Variants in RPP40 observed in about 807,000 individuals in gnomAD.
RPP40 encodes the protein ribonuclease P protein subunit p40.
A neutral mutation model predicts 42.5 loss-of-function variants in RPP40; 30 were observed. That is an observed-to-expected ratio of 0.71 (90% CI 0.53 to 0.96). The LOEUF is 0.96. RPP40 is among the 40% of genes least tolerant of loss of function. RPP40 has a pLI of 0.00. For missense variants in RPP40, 426 were observed against 433.5 expected, an observed-to-expected ratio of 0.98 and a Z score of 0.15; for synonymous variants, 173 against 164.0, an observed-to-expected ratio of 1.05 and a Z score of -0.42.
chr6:4,994,253 G>A (rs959921795), downstream of RPP40, among the ~76,000 whole-genome samples: 1 of 129,308 alleles, frequency 7.7e-6, no homozygotes, highest in South Asian at 3.1e-4. Flanking sequence ...TTGTGGGGTG[G>A]GGGGAGGGGG....
At position 4,994,919 on chromosome 6, in the gene RPP40, A is replaced by C; in HGVS notation, c.*159T>G. The stretch of plus-strand genomic sequence containing the variant: ...TCACTGGACAGCAGGCCTTGCTGCC[A>C]TCACAGATGGGTCTCAGGTGCAGGG... On this transcript the variant is annotated 3_prime_UTR_variant, in exon 8 of 8. Coordinates refer to ENST00000380051, the MANE Select transcript of RPP40 (RefSeq NM_006638.4). 1 of 639,354 alleles carries C rather than the reference A, an allele frequency of 1.6e-6. No homozygotes were observed. The highest frequency in any genetic ancestry group is 2.0e-5 in the South Asian group (1 of 49,916). 39.6% of individuals were successfully genotyped at this position (639,354 alleles called of 1,614,324 possible). A position where few individuals can be genotyped will look rare whatever the true frequency, so the allele number is the denominator to read the frequency against.
At position 4,999,872 on chromosome 6, in the gene RPP40, A is replaced by G. The variant is rs1415672417; in HGVS notation, c.370T>C (p.Tyr124His). ...TGACCCTGAAGTCCAGTTTCTTCAT[A>G]AGTGTCTTTATCCAGTGACAAAATT... is the stretch of plus-strand genomic sequence containing the variant. ...KLILSLDKDT[Y>H]EETGLQGHPS... The change falls in exon 4 of 8, where the codon TAT becomes CAT. Residue 124 changes from tyrosine (Y) to histidine (H), a missense_variant. By Grantham distance (83) the Tyr-to-His change is moderately conservative. Transcript: ENST00000380051. 6.2e-7 allele frequency: 1 copy of G among 1,608,786 alleles called. No individual in the cohort carries two copies. The highest frequency in any genetic ancestry group is 8.5e-7 in the Non-Finnish European group (1 of 1,175,860).
At chr6:5,003,336 A>G (rs1471156599) in intron 1 of RPP40, among the ~76,000 whole-genome samples, 1 of 85,220 alleles carries the variant, frequency 1.2e-5, no homozygotes, top group African/African-American at 5.2e-5. Context: ...GACAGAGCGA[A>G]ACTCCGTCTA....
chr6:4,996,155 T>G (rs1443744698), intron 6 of RPP40, 67 bp downstream of exon 6: 1 of 1,606,146 alleles, frequency 6.2e-7, no homozygotes, highest in Non-Finnish European at 8.5e-7. Context: ...TTCCAAAGTA[T>G]TAAACTCCTA....
Position 5,003,997 on chromosome 6 carries a change from G to A in RPP40, c.6C>T (p.Ala2=). M[A]TLRRLREAPR... ...GCGCCTCCCGAAGCCGGCGCAGCGTGGCCATGCTCTCCTGGGTTCCTGGTC... is the reference window on the plus strand; with the variant it reads ...GCGCCTCCCGAAGCCGGCGCAGCGTAGCCATGCTCTCCTGGGTTCCTGGTC... Residue 2 remains alanine (A), a synonymous_variant, in exon 1 of 8, where the codon GCC becomes GCT. Transcript: ENST00000380051. The A allele has an allele frequency of 6.2e-7, 1 of 1,607,348 alleles. No individual in the cohort carries two copies. The highest frequency in any genetic ancestry group is 1.1e-5 in the South Asian group (1 of 90,900).
downstream of RPP40, among the ~76,000 whole-genome samples, chr6:4,992,287 T>TG (rs1189526516): frequency 6.6e-6 from 1 of 151,726 alleles, no homozygotes; most frequent in East Asian, 1.9e-4. Flanking sequence ...GAGAATCATT[T>TG]GAACCCAGGA....
downstream of RPP40, among the ~76,000 whole-genome samples, chr6:4,994,506 T>A (rs1037211103): frequency 6.6e-6 from 1 of 152,226 alleles, no homozygotes; most frequent in Non-Finnish European, 1.5e-5. Flanking sequence ...CTGTAACGAT[T>A]TACAGTATCC....
In RPP40 at chr6:4,995,270, G is replaced by A. The variant is rs373716513; in HGVS notation, c.900C>T (p.Tyr300=). Residue 300 remains tyrosine (Y), a synonymous_variant, in exon 8 of 8, where the codon TAC becomes TAT. Coordinates refer to ENST00000380051, the MANE Select transcript of RPP40 (RefSeq NM_006638.4). ...ICLLLEHLCH[Y]FDEPKLAPWV... ...ATGGAGCTAACTTCGGTTCATCAAA[G>A]TAGTGACTGAAAAAAAGGTAGTTGT... 2.5e-4 allele frequency: 405 copies of A among 1,608,252 alleles called. 4 individuals carry two copies. The Middle Eastern group carries it at 4.5e-3, about 18-fold the overall frequency.
downstream of RPP40, among the ~76,000 whole-genome samples, chr6:4,992,430 T>C (rs1311140691): frequency 6.6e-6 from 1 of 151,870 alleles, no homozygotes; most frequent in Non-Finnish European, 1.5e-5. Flanking sequence ...CTTTTCTTTA[T>C]AAGCTACCCA....
rs1423814920 is a variant in RPP40, at chr6:4,999,839, G to A, written c.403C>T (p.Gln135Ter). The change falls in exon 4 of 8, where the codon CAG becomes TAG. Residue 135 changes from glutamine to a stop codon, truncating the protein, a stop_gained. Transcript: ENST00000380051. LOFTEE classifies it high-confidence loss of function. ...EETGLQGHPS[Q>*]FSGRKIMKFI... ...TTCATAATTTTTCTGCCAGAAAACTGAGATGGATGACCCTGAAGTCCAGTT... is the reference window on the plus strand; with the variant it reads ...TTCATAATTTTTCTGCCAGAAAACTAAGATGGATGACCCTGAAGTCCAGTT... The A allele has an allele frequency of 1.9e-6, 3 of 1,606,150 alleles. No homozygotes were observed. Among genetic ancestry groups the A allele is most frequent in the South Asian group, 1.1e-5 (1 of 90,684 alleles).
In RPP40 at chr6:4,994,820, C is replaced by T. The variant is rs1759318959; in HGVS notation, c.*258G>A. Reference sequence around the variant, plus strand: ...ACCAATATCCCCGGTCCCTGGACATCCTGGCCCAGTGTACCACATAGTAAC... The same window carrying T: ...ACCAATATCCCCGGTCCCTGGACATTCTGGCCCAGTGTACCACATAGTAAC... On this transcript the variant is annotated 3_prime_UTR_variant, in exon 8 of 8. Coordinates refer to ENST00000380051, the MANE Select transcript of RPP40 (RefSeq NM_006638.4). 2 of 431,516 alleles carry T rather than the reference C, an allele frequency of 4.6e-6. No individual in the cohort carries two copies. The highest frequency in any genetic ancestry group is 8.2e-6 in the Non-Finnish European group (2 of 243,044). 26.7% of individuals were successfully genotyped at this position (431,516 alleles called of 1,614,324 possible). A position where few individuals can be genotyped will look rare whatever the true frequency, so the allele number is the denominator to read the frequency against.
At chr6:4,999,606 A>G (rs1340092396) in intron 4 of RPP40, among the ~76,000 whole-genome samples, 2 of 152,174 alleles carry the variant, frequency 1.3e-5, no homozygotes, top group Non-Finnish European at 2.9e-5. Flanking sequence ...CAAGTCTACA[A>G]TCTTTATTAA....
chr6:4,995,296 TAAAC>T lies in RPP40; in HGVS notation c.894-24_894-21del. On this transcript the variant is annotated intron_variant, in intron 7 of 7. Coordinates refer to ENST00000380051, the MANE Select transcript of RPP40 (RefSeq NM_006638.4). ...TAGTGACTGAAAAAAAGGTAGTTGT[TAAAC>T]AGAGTTTTAAAAGAGAGTTAGGAAT... 1 of 1,576,290 alleles carries T rather than the reference TAAAC, an allele frequency of 6.3e-7. No individual in the cohort carries two copies. Among genetic ancestry groups the T allele is most frequent in the South Asian group, 1.1e-5 (1 of 88,396 alleles).
At position 4,996,257 on chromosome 6, in the gene RPP40, G is replaced by C. The variant is rs150878918; in HGVS notation, c.723C>G (p.Phe241Leu). The change falls in exon 6 of 8, where the codon TTC (phenylalanine) becomes TTG (leucine). Residue 241 changes from phenylalanine to leucine, a missense_variant. Phe to Leu is a conservative substitution (Grantham distance 22). Transcript: ENST00000380051. ...TACTGAAGACGGCGCCGAGCCAGTC[G>C]AAGAGCTCCAGAGCCCGGCAGGACA... ...PEVSCRALEL[F>L]DWLGAVFSNV... 6.2e-7 allele frequency: 1 copy of C among 1,613,880 alleles called. No homozygotes were observed. The highest frequency in any genetic ancestry group is 1.3e-5 in the African/African-American group (1 of 74,940).
intron 2 of RPP40, 27 bp from the exon 3 acceptor site, chr6:5,000,658 T>A: frequency 7.1e-7 from 1 of 1,400,502 alleles, no homozygotes; most frequent in Non-Finnish European, 1.0e-6. Context: ...AGAGGAAAAA[T>A]TTAAAACAAG....
At chr6:5,002,034 A>G in intron 2 of RPP40, 67 bp downstream of exon 2, 1 of 1,406,642 alleles carries the variant, frequency 7.1e-7, no homozygotes. Context: ...CAGCCCTAGC[A>G]TCGTGATGTG....
At chr6:4,990,263 G>A (rs1352806159), downstream of RPP40, among the ~76,000 whole-genome samples, 2 of 152,006 alleles carry the variant, frequency 1.3e-5, no homozygotes, top group East Asian at 1.9e-4. Flanking sequence ...TACACTCCTT[G>A]GATATTCCCT....
At chr6:4,998,372 T>C (rs974085313) in intron 5 of RPP40, among the ~76,000 whole-genome samples, 3 of 152,216 alleles carry the variant, frequency 2.0e-5, no homozygotes, top group Admixed American at 6.5e-5. Context: ...GTGTATATAA[T>C]TGGTGCTACT....
downstream of RPP40, among the ~76,000 whole-genome samples, chr6:4,990,058 T>G (rs184025939): frequency 1.1e-4 from 17 of 152,362 alleles, no homozygotes; most frequent in Non-Finnish European, 4.4e-5. Flanking sequence ...AGTGTGATGT[T>G]AGCTGTAGGG....
Sources: allele counts gnomAD v4.1 joint callset (sites outside exome capture counted in the v4.1 genomes callset), GRCh38; gene constraint gnomAD v4.1.1; transcripts MANE v1.5; gene names NCBI Gene and HGNC (gene_info 2026-07-23, HGNC 2026-07-21).